The following ARL15 variants were observed in gnomAD, a reference collection of about 807,000 sequenced individuals.
ARL15 encodes ADP-ribosylation factor-like protein 15.
Under a neutral mutation model 25.2 loss-of-function variants are expected in ARL15, and 19 were observed. That is an observed-to-expected ratio of 0.75 (90% CI 0.53 to 1.10). The LOEUF (loss-of-function observed/expected upper bound fraction) is 1.10. Ranked by LOEUF, ARL15 falls within the 50% of genes least tolerant of loss-of-function variation. The probability of loss-of-function intolerance (pLI) is 0.00; values close to 1 mark genes in which losing one functional copy is unlikely to be tolerated. For synonymous variants in ARL15, 94 were observed against 86.8 expected, an observed-to-expected ratio of 1.08 and a Z score of -0.46; for missense variants, 220 against 246.0, an observed-to-expected ratio of 0.89 and a Z score of 0.71.
chr5:54,207,772 A>T (rs970775941), intron 1 of ARL15, among the ~76,000 whole-genome samples: 1 of 152,132 alleles, frequency 6.6e-6, no homozygotes, highest in Admixed American at 6.5e-5. Flanking sequence ...GGAATCCAAG[A>T]TCCCTTATAA....
intron 4 of ARL15, among the ~76,000 whole-genome samples, chr5:54,037,510 T>C (rs1750206949): frequency 1.3e-5 from 2 of 152,050 alleles, no homozygotes; most frequent in South Asian, 4.1e-4. Context: ...GCCACTGAAC[T>C]AAAAAAGCAA....
At chr5:53,899,459 C>G (rs1744994456) in intron 4 of ARL15, among the ~76,000 whole-genome samples, 1 of 146,544 alleles carries the variant, frequency 6.8e-6, no homozygotes, top group South Asian at 2.2e-4. Flanking sequence ...TATTGTTTTC[C>G]TAATCTCTAT....
intron 4 of ARL15, among the ~76,000 whole-genome samples, chr5:53,959,851 T>C (rs1747303961): frequency 6.6e-6 from 1 of 152,174 alleles, no homozygotes; most frequent in African/African-American, 2.4e-5. Context: ...AGCACTATCA[T>C]AGGATACATT....
chr5:54,252,119 T>C (rs1757248194), intron 1 of ARL15, among the ~76,000 whole-genome samples: 1 of 152,194 alleles, frequency 6.6e-6, no homozygotes, highest in South Asian at 2.1e-4. Flanking sequence ...TTATAGTAAC[T>C]GGAGAGATTG....
At chr5:54,004,903 A>G (rs1186559383) in intron 4 of ARL15, among the ~76,000 whole-genome samples, 1 of 152,250 alleles carries the variant, frequency 6.6e-6, no homozygotes, top group East Asian at 1.9e-4. Flanking sequence ...GCTAGTCAGC[A>G]TATTATGTTT....
At chr5:54,062,880 CT>C (rs1329127199) in intron 4 of ARL15, among the ~76,000 whole-genome samples, 1 of 152,122 alleles carries the variant, frequency 6.6e-6, no homozygotes, top group Admixed American at 6.5e-5. Context: ...AATAAAATGG[CT>C]AGTGGAGGAT....
chr5:54,287,202 G>A (rs934732753), intron 1 of ARL15, among the ~76,000 whole-genome samples: 5 of 152,012 alleles, frequency 3.3e-5, no homozygotes, highest in Non-Finnish European at 5.9e-5. Flanking sequence ...AATGTGGCAA[G>A]CACTTCTAGG....
intron 4 of ARL15, among the ~76,000 whole-genome samples, chr5:53,915,434 G>A (rs1022854623): frequency 2.0e-5 from 3 of 152,188 alleles, no homozygotes; most frequent in Non-Finnish European, 4.4e-5. Context: ...ACAGAAGAGG[G>A]TGTGAGATTT....
intron 4 of ARL15, among the ~76,000 whole-genome samples, chr5:53,939,798 T>C (rs1483336250): frequency 6.6e-6 from 1 of 152,100 alleles, no homozygotes; most frequent in Admixed American, 6.6e-5. Flanking sequence ...TCACTCACTA[T>C]TCCAATGTTC....
intron 3 of ARL15, among the ~76,000 whole-genome samples, chr5:54,137,929 A>G (rs1295310512): frequency 1.3e-5 from 2 of 152,078 alleles, no homozygotes; most frequent in Admixed American, 1.3e-4. Flanking sequence ...TGAGGAGAAC[A>G]TGCAGTGACT....
At chr5:54,149,918 C>T (rs1438784811) in intron 3 of ARL15, among the ~76,000 whole-genome samples, 2 of 152,122 alleles carry the variant, frequency 1.3e-5, no homozygotes, top group African/African-American at 4.8e-5. Flanking sequence ...AAAAAGTTCA[C>T]GAAGTAATAC....
intron 4 of ARL15, among the ~76,000 whole-genome samples, chr5:54,098,356 C>T (rs2112168708): frequency 1.3e-5 from 2 of 152,252 alleles, no homozygotes; most frequent in East Asian, 3.9e-4. Flanking sequence ...TCACACCGTT[C>T]GATCCCCCTG....
intron 3 of ARL15, among the ~76,000 whole-genome samples, chr5:54,125,034 A>T (rs1431928109): frequency 1.4e-5 from 2 of 146,312 alleles, no homozygotes; most frequent in East Asian, 2.0e-4. Context: ...TTGCTATCAG[A>T]TTCTCTCTAT....
At chr5:54,078,355 C>T (rs1240898812) in intron 4 of ARL15, among the ~76,000 whole-genome samples, 1 of 152,168 alleles carries the variant, frequency 6.6e-6, no homozygotes, top group Non-Finnish European at 1.5e-5. Flanking sequence ...GTACCACACT[C>T]TCTGTATATA....
chr5:54,280,840 G>A (rs1758040081), intron 1 of ARL15, among the ~76,000 whole-genome samples: 1 of 151,906 alleles, frequency 6.6e-6, no homozygotes, highest in Admixed American at 6.6e-5. Flanking sequence ...GGCCTCTAAA[G>A]GGAAAATGTC....
At chr5:54,010,771 G>A (rs1749211208) in intron 4 of ARL15, among the ~76,000 whole-genome samples, 1 of 152,090 alleles carries the variant, frequency 6.6e-6, no homozygotes, top group Non-Finnish European at 1.5e-5. Flanking sequence ...CAGCACTTTG[G>A]GAGGCTGAGG....
chr5:53,901,274 T>C (rs1745057298), intron 4 of ARL15, among the ~76,000 whole-genome samples: 2 of 152,204 alleles, frequency 1.3e-5, no homozygotes, highest in South Asian at 4.1e-4. Flanking sequence ...TCTTCTGTAT[T>C]TGGGGTAATA....
intron 1 of ARL15, among the ~76,000 whole-genome samples, chr5:54,274,659 G>A (rs1757878948): frequency 1.3e-5 from 2 of 152,188 alleles, no homozygotes; most frequent in African/African-American, 4.8e-5. Context: ...AGCACTTTGG[G>A]AGACTGAGGC....
At chr5:53,897,046 A>C (rs1260183580) in intron 4 of ARL15, among the ~76,000 whole-genome samples, 1 of 152,074 alleles carries the variant, frequency 6.6e-6, no homozygotes, top group East Asian at 1.9e-4. Context: ...CACATGTTTT[A>C]CTATCTTTCC....
Sources: allele counts gnomAD v4.1 joint callset (sites outside exome capture counted in the v4.1 genomes callset), GRCh38; gene constraint gnomAD v4.1.1; transcripts MANE v1.5; gene names NCBI Gene and HGNC (gene_info 2026-07-23, HGNC 2026-07-21).